TMEM135: variants seen among roughly 807,000 people sequenced by gnomAD.
TMEM135 encodes transmembrane protein 135.
In TMEM135, 30 loss-of-function variants were observed where a neutral mutation model predicts 60.3. The ratio of observed to expected loss-of-function variants is 0.50; its 90% CI spans 0.37 to 0.68. The LOEUF (loss-of-function observed/expected upper bound fraction) is 0.68. Ranked by LOEUF, TMEM135 falls within the 30% of genes least tolerant of loss-of-function variation. The pLI, the probability that TMEM135 is intolerant of heterozygous loss-of-function variation, is 0.00. For synonymous variants in TMEM135, 190 were observed against 186.7 expected, an observed-to-expected ratio of 1.02 and a Z score of -0.14; for missense variants, 468 against 548.8, an observed-to-expected ratio of 0.85 and a Z score of 1.47.
chr11:87,040,662 CAA>C (rs199617777), intron 1 of TMEM135, among the ~76,000 whole-genome samples: 10 of 114,900 alleles, frequency 8.7e-5, no homozygotes, highest in Admixed American at 9.5e-5. Context: ...AACTCCATCA[CAA>C]AAAAAAAAAA....
In TMEM135 at chr11:87,324,176, T is replaced by C. The variant is rs113976566; in HGVS notation, c.*2843T>C. The C allele has an allele frequency of 1.8e-5, 8 of 454,084 alleles. No homozygotes were observed. The highest frequency in any genetic ancestry group is 8.0e-5 in the African/African-American group (4 of 50,128). 28.1% of individuals were successfully genotyped at this position (454,084 alleles called of 1,614,324 possible). A position where few individuals can be genotyped will look rare whatever the true frequency, so the allele number is the denominator to read the frequency against. ...TTAGTTGTTAATGCTGACGTAATTG[T>C]TTCCTGCTTATATTTTATCATATCC... On this transcript the variant is annotated 3_prime_UTR_variant, in exon 15 of 15. Transcript: ENST00000305494.
rs1352634533 is a variant in TMEM135, at chr11:87,322,437, G to C, written c.*1104G>C. 1 of 453,786 alleles carries C rather than the reference G, an allele frequency of 2.2e-6. No homozygotes were observed. The highest frequency in any genetic ancestry group is 2.4e-5 in the Admixed American group (1 of 42,526). 28.1% of individuals were successfully genotyped at this position (453,786 alleles called of 1,614,324 possible). Reference sequence around the variant, plus strand: ...ATTTTTACTGTTAGAATAAAGAGGTGACACCATAAAGTCCTGCTGATAATG... The same window carrying C: ...ATTTTTACTGTTAGAATAAAGAGGTCACACCATAAAGTCCTGCTGATAATG... On this transcript the variant is annotated 3_prime_UTR_variant, in exon 15 of 15. Coordinates refer to ENST00000305494, the MANE Select transcript of TMEM135 (RefSeq NM_022918.4).
At chr11:87,184,599 A>G (rs1054628614) in intron 5 of TMEM135, among the ~76,000 whole-genome samples, 1 of 152,146 alleles carries the variant, frequency 6.6e-6, no homozygotes, top group Non-Finnish European at 1.5e-5. Flanking sequence ...TGTGGACTTT[A>G]TGTGTATTTC....
chr11:87,293,103 A>G (rs193130667), intron 6 of TMEM135, among the ~76,000 whole-genome samples: 1 of 152,104 alleles, frequency 6.6e-6, no homozygotes, highest in African/African-American at 2.4e-5. Flanking sequence ...AGACCCCTTA[A>G]CCTGCTTCCT....
intron 5 of TMEM135, among the ~76,000 whole-genome samples, chr11:87,189,105 C>G (rs941237362): frequency 6.9e-6 from 1 of 144,730 alleles, no homozygotes; most frequent in Non-Finnish European, 1.5e-5. Context: ...TTCCGTTTCC[C>G]TTTTCCTTTT....
chr11:87,151,864 C>CTCA (rs2135260044), intron 4 of TMEM135, among the ~76,000 whole-genome samples: 1 of 152,286 alleles, frequency 6.6e-6, no homozygotes, highest in East Asian at 1.9e-4. Context: ...TATGGTTTGA[C>CTCA]TTAATATCCC....
intron 7 of TMEM135, among the ~76,000 whole-genome samples, chr11:87,298,562 G>T (rs1482503315): frequency 6.6e-6 from 1 of 151,948 alleles, no homozygotes; most frequent in African/African-American, 2.4e-5. Flanking sequence ...GCCAAGGCGG[G>T]CAATCACTTA....
At chr11:87,056,703 C>G (rs575749195) in intron 1 of TMEM135, among the ~76,000 whole-genome samples, 1 of 152,202 alleles carries the variant, frequency 6.6e-6, no homozygotes, top group South Asian at 2.1e-4. Context: ...TTACTGTTAT[C>G]TGTGATTTCT....
chr11:87,072,562 T>C (rs145786161), intron 3 of TMEM135, among the ~76,000 whole-genome samples: 2,550 of 152,024 alleles, frequency 0.017, 65 homozygotes, highest in East Asian at 0.065. Context: ...TGTGTTTTTT[T>C]AGTAGAGACA....
intron 5 of TMEM135, among the ~76,000 whole-genome samples, chr11:87,202,634 A>G (rs1308418585): frequency 1.3e-5 from 2 of 151,738 alleles, no homozygotes; most frequent in Non-Finnish European, 2.9e-5. Context: ...ATATTTTTAT[A>G]TTATGTAGGT....
At chr11:87,278,480 C>T (rs1188419480) in intron 6 of TMEM135, among the ~76,000 whole-genome samples, 2 of 151,834 alleles carry the variant, frequency 1.3e-5, no homozygotes, top group Non-Finnish European at 2.9e-5. Flanking sequence ...ATTCTCCTGC[C>T]TCAACCTCCC....
chr11:87,169,751 A>C (rs569202593), intron 5 of TMEM135, among the ~76,000 whole-genome samples: 4 of 151,794 alleles, frequency 2.6e-5, no homozygotes, highest in Non-Finnish European at 5.9e-5. Context: ...CTTCATTTCA[A>C]CCTTGGTGAA....
intron 13 of TMEM135, among the ~76,000 whole-genome samples, 167 bp downstream of exon 13, chr11:87,318,402 T>A (rs1423610967): frequency 6.6e-6 from 1 of 152,042 alleles, no homozygotes; most frequent in Admixed American, 6.6e-5. Context: ...GCTTACCAGC[T>A]TCTAATCATT....
Position 87,137,622 on chromosome 11 carries a change from C to T in TMEM135, c.397-19719C>T, listed in dbSNP as rs78742202. On this transcript the variant is annotated intron_variant, in intron 4 of 14. Transcript: ENST00000305494. Reference sequence around the variant, plus strand: ...AGTTCAGCTCTGATAGGAAGAGGGACACTATCTTGTTTTGAAACATAGTTG... The same window carrying T: ...AGTTCAGCTCTGATAGGAAGAGGGATACTATCTTGTTTTGAAACATAGTTG... 9.0e-3 allele frequency among the ~76,000 whole-genome samples: 1,372 copies of T among 152,118 alleles called. 5 individuals carry two copies. The highest frequency in any genetic ancestry group is 0.012 in the Non-Finnish European group (845 of 67,986).
chr11:87,286,436 C>T (rs1942166970), intron 6 of TMEM135, among the ~76,000 whole-genome samples: 1 of 152,244 alleles, frequency 6.6e-6, no homozygotes, highest in South Asian at 2.1e-4. Context: ...CCCCACCCGA[C>T]TCAGGAGCCC....
chr11:87,278,674 T>G (rs1023158119), intron 6 of TMEM135, among the ~76,000 whole-genome samples: 3 of 152,130 alleles, frequency 2.0e-5, no homozygotes, highest in Non-Finnish European at 4.4e-5. Context: ...TAATTTTCAT[T>G]CTTTGAAAAT....
intron 4 of TMEM135, among the ~76,000 whole-genome samples, chr11:87,140,935 CAT>C (rs1354738222): frequency 6.6e-6 from 1 of 152,048 alleles, no homozygotes; most frequent in Non-Finnish European, 1.5e-5. Context: ...ATCAATTGGA[CAT>C]ATAGTGTTGG....
Position 87,209,733 on chromosome 11 carries a change from C to T in TMEM135, c.463-26905C>T, listed in dbSNP as rs189098355. Among the ~76,000 whole-genome samples the T allele has an allele frequency of 5.9e-5, 9 of 152,206 alleles. No homozygotes were observed. The East Asian group carries it at 1.7e-3, about 29-fold the overall frequency. Reference sequence around the variant, plus strand: ...ATCCAAGAACAACATCCAAGAACAACACATGTTACATACTCTAAAATGACC... The same window carrying T: ...ATCCAAGAACAACATCCAAGAACAATACATGTTACATACTCTAAAATGACC... On this transcript the variant is annotated intron_variant, in intron 5 of 14. Coordinates refer to ENST00000305494, the MANE Select transcript of TMEM135 (RefSeq NM_022918.4).
At chr11:87,097,141 C>G (rs914742116) in intron 4 of TMEM135, among the ~76,000 whole-genome samples, 5 of 152,028 alleles carry the variant, frequency 3.3e-5, no homozygotes, top group Non-Finnish European at 5.9e-5. Context: ...GGATTACAGG[C>G]GCACACTGCC....
Sources: allele counts gnomAD v4.1 joint callset (sites outside exome capture counted in the v4.1 genomes callset), GRCh38; gene constraint gnomAD v4.1.1; transcripts MANE v1.5; gene names NCBI Gene and HGNC (gene_info 2026-07-23, HGNC 2026-07-21).